Variants in BCL2A1 observed in about 807,000 individuals in gnomAD.
The protein encoded by BCL2A1 is bcl-2-related protein A1.
Under a neutral mutation model 14.4 loss-of-function variants are expected in BCL2A1, and 10 were observed. The observed-to-expected ratio is 0.69, with a 90% confidence interval of 0.43 to 1.18. The LOEUF is 1.18. BCL2A1 is among the 50% of genes most tolerant of loss of function. The pLI, the probability that BCL2A1 is intolerant of heterozygous loss-of-function variation, is 0.00. For missense variants in BCL2A1, 158 were observed against 205.0 expected, an observed-to-expected ratio of 0.77 and a Z score of 1.40; for synonymous variants, 71 against 76.5, an observed-to-expected ratio of 0.93 and a Z score of 0.38.
At chr15:79,967,718 T>C in intron 1 of BCL2A1, 1 of 1,367,432 alleles carries the variant, frequency 7.3e-7, no homozygotes, top group Non-Finnish European at 1.0e-6. Flanking sequence ...CAAGAGTAAA[T>C]TCATTCATTT....
Position 79,961,160 on chromosome 15 carries a change from T to C in BCL2A1, c.435A>G (p.Val145=). Residue 145 remains valine, a synonymous_variant, in exon 2 of 2, where the codon GTA becomes GTG. Transcript: ENST00000267953. ...AGCCAGATTTAGGTTCAAACTTCTT[T>C]ACAAAGCCATTTTCCTATAAAAGAA... is the stretch of plus-strand genomic sequence containing the variant. ...RQNGGWENGF[V]KKFEPKSGWM... 1.2e-6 allele frequency: 2 copies of C among 1,613,652 alleles called. No individual in the cohort carries two copies. Among genetic ancestry groups the C allele is most frequent in the Non-Finnish European group, 1.7e-6 (2 of 1,179,584 alleles).
At chr15:79,964,641 C>T (rs2035521388) in intron 1 of BCL2A1, among the ~76,000 whole-genome samples, 1 of 152,208 alleles carries the variant, frequency 6.6e-6, no homozygotes, top group Non-Finnish European at 1.5e-5. Context: ...AGGATCCCTG[C>T]CCTCACTAAG....
chr15:79,967,342 A>C (rs1596127138), intron 1 of BCL2A1, among the ~76,000 whole-genome samples: 1 of 148,736 alleles, frequency 6.7e-6, no homozygotes, highest in African/African-American at 2.5e-5. Flanking sequence ...TTAGCCTCCT[A>C]AGTAGCTGGG....
Position 79,969,212 on chromosome 15 carries a change from T to G in BCL2A1, c.420+1488A>C, listed in dbSNP as rs569780575. On this transcript the variant is annotated intron_variant, in intron 1 of 1. Coordinates refer to ENST00000267953, the MANE Select transcript of BCL2A1 (RefSeq NM_004049.4). Reference sequence around the variant, plus strand: ...AAAATTATGATGAATTGCAGCAACCTACTGTTAGTCAGCTGGGGTAGGAGA... The same window carrying G: ...AAAATTATGATGAATTGCAGCAACCGACTGTTAGTCAGCTGGGGTAGGAGA... 7.2e-5 allele frequency among the ~76,000 whole-genome samples: 11 copies of G among 152,296 alleles called. No homozygotes were observed. In the South Asian group the frequency reaches 2.1e-3, roughly 29 times the overall value.
chr15:79,969,257 C>T (rs747183588), intron 1 of BCL2A1, among the ~76,000 whole-genome samples: 4 of 152,120 alleles, frequency 2.6e-5, no homozygotes, highest in South Asian at 2.1e-4. Context: ...CATATCCTAA[C>T]GAGCTGCTGA....
At chr15:79,967,793 T>C (rs921091228) in intron 1 of BCL2A1, 9 of 758,434 alleles carry the variant, frequency 1.2e-5, no homozygotes, top group Admixed American at 2.3e-5. Context: ...TTGCACTGAC[T>C]CAAAAAAGCA....
intron 1 of BCL2A1, chr15:79,967,557 G>A: frequency 1.4e-6 from 2 of 1,448,468 alleles, no homozygotes. Flanking sequence ...AAGTCTCTGG[G>A]CAATTTTAAC....
intron 1 of BCL2A1, among the ~76,000 whole-genome samples, chr15:79,966,055 A>G (rs1267651203): frequency 6.6e-6 from 1 of 152,122 alleles, no homozygotes; most frequent in South Asian, 2.1e-4. Flanking sequence ...CTGACTGTAC[A>G]TCCTACTTCA....
Position 79,961,065 on chromosome 15 carries a change from G to T in BCL2A1, c.*2C>A. Reference sequence around the variant, plus strand: ...TTTCACAATATGGAGTGTCCTTTCTGGTCAACAGTATTGCTTCAGGAGAGA... The same window carrying T: ...TTTCACAATATGGAGTGTCCTTTCTTGTCAACAGTATTGCTTCAGGAGAGA... On this transcript the variant is annotated 3_prime_UTR_variant, in exon 2 of 2. Transcript: ENST00000267953. 1.2e-6 allele frequency: 2 copies of T among 1,613,732 alleles called. No homozygotes were observed. Among genetic ancestry groups the T allele is most frequent in the Non-Finnish European group, 1.7e-6 (2 of 1,179,760 alleles).
rs2141702561 is a variant in BCL2A1 at position 79,961,269 on chromosome 15, G to T, written c.421-95C>A. ...TATTTTCATTTAAATAGTGCAAATAGTTAATCTTCTACCCCTTCTACCCCT... is the reference window on the plus strand; with the variant it reads ...TATTTTCATTTAAATAGTGCAAATATTTAATCTTCTACCCCTTCTACCCCT... On this transcript the variant is annotated intron_variant, in intron 1 of 1. Transcript: ENST00000267953. 5 of 1,191,284 alleles carry T rather than the reference G, an allele frequency of 4.2e-6. No homozygotes were observed. In the East Asian group the frequency reaches 1.3e-4, roughly 30 times the overall value. The allele number at this position is 1,191,284 out of a possible 1,614,324, so 73.8% of individuals were successfully genotyped here. A position where few individuals can be genotyped will look rare whatever the true frequency, so the allele number is the denominator to read the frequency against.
At position 79,969,711 on chromosome 15, in the gene BCL2A1, A is replaced by T. The variant is rs549536606; in HGVS notation, c.420+989T>A. On this transcript the variant is annotated intron_variant, in intron 1 of 1. Coordinates refer to ENST00000267953, the MANE Select transcript of BCL2A1 (RefSeq NM_004049.4). The stretch of plus-strand genomic sequence containing the variant: ...GTATAACATATATGTTATGTAAAAC[A>T]TATACATAAGCATACATATACATTT... Among the ~76,000 whole-genome samples the T allele has an allele frequency of 1.9e-3, 297 of 152,340 alleles. 1 individual carries two copies. Among genetic ancestry groups the T allele is most frequent in the African/African-American group, 6.8e-3 (283 of 41,576 alleles).
intron 1 of BCL2A1, among the ~76,000 whole-genome samples, chr15:79,969,262 T>C (rs1048094363): frequency 6.6e-6 from 1 of 152,196 alleles, no homozygotes; most frequent in African/African-American, 2.4e-5. Context: ...CCTAACGAGC[T>C]GCTGATGGGA....
At chr15:79,967,094 A>G (rs190356560) in intron 1 of BCL2A1, among the ~76,000 whole-genome samples, 139 of 152,330 alleles carry the variant, frequency 9.1e-4, no homozygotes, top group African/African-American at 3.2e-3. Flanking sequence ...ATGAGGAAAC[A>G]AGACGTAGGG....
intron 1 of BCL2A1, among the ~76,000 whole-genome samples, chr15:79,965,349 G>A (rs188742102): frequency 0.036 from 5,459 of 152,124 alleles, 307 homozygotes; most frequent in East Asian, 0.24. Context: ...GGATGGTCTC[G>A]ATCTCCTGAC....
chr15:79,961,306 G>A, intron 1 of BCL2A1, 132 bp from the exon 2 acceptor site: 1 of 816,316 alleles, frequency 1.2e-6, no homozygotes, highest in Admixed American at 2.9e-5. Context: ...TTAAGCAGCA[G>A]CATCTAACAG....
chr15:79,962,061 T>C (rs1223802031), intron 1 of BCL2A1, among the ~76,000 whole-genome samples: 1 of 152,132 alleles, frequency 6.6e-6, no homozygotes. Context: ...AATTAGAAAA[T>C]TGTTAAAATA....
chr15:79,965,700 G>A (rs1302826227), intron 1 of BCL2A1, among the ~76,000 whole-genome samples: 1 of 152,060 alleles, frequency 6.6e-6, no homozygotes, highest in East Asian at 1.9e-4. Context: ...TGACTTGAGG[G>A]TCTTTTATTT....
At chr15:79,963,206 T>C (rs1212821122) in intron 1 of BCL2A1, among the ~76,000 whole-genome samples, 3 of 152,166 alleles carry the variant, frequency 2.0e-5, no homozygotes, top group East Asian at 1.9e-4. Context: ...GCCAGGATAG[T>C]CTCGATCTCT....
At chr15:79,970,635 G>A (rs2035583513) in intron 1 of BCL2A1, 65 bp downstream of exon 1, 2 of 1,463,262 alleles carry the variant, frequency 1.4e-6, no homozygotes, top group African/African-American at 2.8e-5. Context: ...GTTTTAACTA[G>A]CAAGGAAATT....
Sources: allele counts gnomAD v4.1 joint callset (sites outside exome capture counted in the v4.1 genomes callset), GRCh38; gene constraint gnomAD v4.1.1; transcripts MANE v1.5; gene names NCBI Gene and HGNC (gene_info 2026-07-23, HGNC 2026-07-21).